TSPAN3: variants seen among roughly 807,000 people sequenced by gnomAD.
The protein encoded by TSPAN3 is tetraspanin 3.
Under a neutral mutation model 31.1 loss-of-function variants are expected in TSPAN3, and 9 were observed. That is an observed-to-expected ratio of 0.29 (90% CI 0.17 to 0.50). The LOEUF (loss-of-function observed/expected upper bound fraction) is 0.50, where lower values mean the gene tolerates loss of function less well. TSPAN3 is among the 20% of genes least tolerant of loss of function. The probability of loss-of-function intolerance (pLI) is 0.98; values close to 1 mark genes in which losing one functional copy is unlikely to be tolerated. For synonymous variants in TSPAN3, 129 were observed against 114.3 expected (o/e 1.13, Z -0.82); for missense variants, 252 against 313.5 (o/e 0.80, Z 1.48).
At chr15:77,053,029 GTCCGA>G in intron 4 of TSPAN3, 100 bp from the exon 5 acceptor site, 1 of 1,149,556 alleles carries the variant, frequency 8.7e-7, no homozygotes, top group South Asian at 1.6e-5. Context: ...GACCAGTGAT[GTCCGA>G]TACAACTTTC....
intron 6 of TSPAN3, among the ~76,000 whole-genome samples, chr15:77,049,172 C>T (rs866836972): frequency 5.3e-5 from 8 of 152,086 alleles, no homozygotes; most frequent in Non-Finnish European, 1.2e-4. Flanking sequence ...ATTTATATAA[C>T]ATTTTGCAAT....
intron 1 of TSPAN3, among the ~76,000 whole-genome samples, chr15:77,059,052 G>A (rs1164880403): frequency 1.3e-5 from 2 of 152,102 alleles, no homozygotes; most frequent in African/African-American, 2.4e-5. Context: ...GAGTGGAGAA[G>A]AGAAATAGTT....
intron 1 of TSPAN3, chr15:77,064,473 G>C (rs538173773): frequency 6.6e-6 from 1 of 152,156 alleles, no homozygotes; most frequent in East Asian, 1.9e-4. Flanking sequence ...GGATCTTATG[G>C]AATAAAATTC....
chr15:77,063,143 T>C (rs2076810148), intron 1 of TSPAN3, among the ~76,000 whole-genome samples: 2 of 152,200 alleles, frequency 1.3e-5, no homozygotes, highest in African/African-American at 2.4e-5. Flanking sequence ...CCATCCTAAA[T>C]ATTTTAGGCA....
chr15:77,061,442 C>T (rs1157233193), intron 1 of TSPAN3, among the ~76,000 whole-genome samples: 1 of 151,992 alleles, frequency 6.6e-6, no homozygotes, highest in African/African-American at 2.4e-5. Context: ...GCAGGAGAAT[C>T]GCTTGAACCT....
chr15:77,056,187 G>C lies in TSPAN3; in HGVS notation c.132C>G (p.Phe44Leu). Residue 44 changes from phenylalanine to leucine, a missense_variant, in exon 2 of 7, where the codon TTC (phenylalanine) becomes TTG (leucine). Phe to Leu is a conservative substitution (Grantham distance 22). Transcript: ENST00000267970. Reference sequence around the variant, plus strand: ...GGATGAGCGTGTACACATCTTCAAAGAAGTGGTCATAGTCATCATAAGTGA... The same window carrying C: ...GGATGAGCGTGTACACATCTTCAAACAAGTGGTCATAGTCATCATAAGTGA... ...VFITYDDYDH[F>L]FEDVYTLIPA... The C allele has an allele frequency of 1.2e-6, 2 of 1,613,850 alleles. No homozygotes were observed. Among genetic ancestry groups the C allele is most frequent in the Non-Finnish European group, 1.7e-6 (2 of 1,179,980 alleles).
In TSPAN3 at chr15:77,042,524, C is replaced by T. The variant is rs1306462079; in HGVS notation, c.*4311G>A. ...TATAGGAGGCACTCGAAGGGGCTCT[C>T]GCTGGCCAAGTCGGGAACTATCTGA... On this transcript the variant is annotated 3_prime_UTR_variant, in exon 7 of 7. Coordinates refer to ENST00000267970, the MANE Select transcript of TSPAN3 (RefSeq NM_005724.6). 6.6e-6 allele frequency: 1 copy of T among 152,102 alleles called. No homozygotes were observed. Among genetic ancestry groups the T allele is most frequent in the Non-Finnish European group, 1.5e-5 (1 of 68,034 alleles). The allele number at this position is 152,102 out of a possible 1,614,324, so 9.4% of individuals were successfully genotyped here.
intron 1 of TSPAN3, among the ~76,000 whole-genome samples, chr15:77,066,163 T>TA (rs2076831622): frequency 6.6e-6 from 1 of 152,226 alleles, no homozygotes. Context: ...AGTACTGATT[T>TA]AAACTTGTTT....
At chr15:77,066,931 G>A (rs1049630358) in intron 1 of TSPAN3, among the ~76,000 whole-genome samples, 5 of 152,132 alleles carry the variant, frequency 3.3e-5, no homozygotes, top group African/African-American at 9.7e-5. Context: ...AGGGCCTTCT[G>A]CAAAGTCCTG....
intron 3 of TSPAN3, 96 bp downstream of exon 3, chr15:77,055,693 A>G: frequency 1.0e-6 from 1 of 992,214 alleles, no homozygotes; most frequent in Non-Finnish European, 1.5e-6. Context: ...AAGGCAAAAG[A>G]AAATGTTTAC....
rs985999523 is a variant in TSPAN3 at position 77,042,687 on chromosome 15, A to C, written c.*4148T>G. ...ATGAGGAAGGAGTGCTGGGCTGCAG[A>C]AACGTCGCTTGGCAGTCATCATAAA... On this transcript the variant is annotated 3_prime_UTR_variant, in exon 7 of 7. Transcript: ENST00000267970. 6.6e-6 allele frequency: 1 copy of C among 152,312 alleles called. No individual in the cohort carries two copies. The highest frequency in any genetic ancestry group is 1.9e-4 in the East Asian group (1 of 5,184). The allele number at this position is 152,312 out of a possible 1,614,324, so 9.4% of individuals were successfully genotyped here. A position where few individuals can be genotyped will look rare whatever the true frequency, so the allele number is the denominator to read the frequency against.
At chr15:77,067,961 C>T (rs1323169725) in intron 1 of TSPAN3, 1 of 152,176 alleles carries the variant, frequency 6.6e-6, no homozygotes, top group Admixed American at 6.5e-5. Context: ...GGGTGTGCTA[C>T]TTTGGCTCAG....
At chr15:77,053,030 T>C (rs1427109952) in intron 4 of TSPAN3, 101 bp from the exon 5 acceptor site, 8 of 1,152,282 alleles carry the variant, frequency 6.9e-6, no homozygotes, top group Non-Finnish European at 9.7e-6. Flanking sequence ...ACCAGTGATG[T>C]CCGATACAAC....
chr15:77,056,405 G>T, intron 1 of TSPAN3, 150 bp from the exon 2 acceptor site: 1 of 573,986 alleles, frequency 1.7e-6, no homozygotes. Context: ...CTTGTTAAGA[G>T]CATTTCTATA....
chr15:77,051,253 C>T (rs547085503), intron 6 of TSPAN3, among the ~76,000 whole-genome samples: 162 of 151,880 alleles, frequency 1.1e-3, no homozygotes, highest in African/African-American at 3.5e-3. Context: ...TGAGGCTGGG[C>T]GCGATGGCTC....
chr15:77,058,897 AAT>A (rs1184680881), intron 1 of TSPAN3, among the ~76,000 whole-genome samples: 1 of 152,162 alleles, frequency 6.6e-6, no homozygotes. Flanking sequence ...TTACATCTGG[AAT>A]ATGTTAATAT....
In TSPAN3 at chr15:77,042,445, C is replaced by G. The variant is rs1007222364; in HGVS notation, c.*4390G>C. The G allele has an allele frequency of 2.0e-5, 3 of 152,070 alleles. No homozygotes were observed. The highest frequency in any genetic ancestry group is 7.2e-5 in the African/African-American group (3 of 41,394). 9.4% of individuals were successfully genotyped at this position (152,070 alleles called of 1,614,324 possible). ...TGATCCATGGCTGGTGCCCAGGGGCCTGGAACATCTTGTTAGATCAGAAAT... is the reference window on the plus strand; with the variant it reads ...TGATCCATGGCTGGTGCCCAGGGGCGTGGAACATCTTGTTAGATCAGAAAT... On this transcript the variant is annotated 3_prime_UTR_variant, in exon 7 of 7. Transcript: ENST00000267970.
chr15:77,062,877 G>A (rs1446181072), intron 1 of TSPAN3, among the ~76,000 whole-genome samples: 1 of 152,154 alleles, frequency 6.6e-6, no homozygotes, highest in Non-Finnish European at 1.5e-5. Flanking sequence ...TATGCTTGTG[G>A]TGTGATAGGG....
At position 77,044,700 on chromosome 15, in the gene TSPAN3, A is replaced by T. The variant is rs543815150; in HGVS notation, c.*2135T>A. ...TTGAAGAACAAGGCTACTGCTTGGC[A>T]TATTTCCCAAAGCCATTTCCCACTC... On this transcript the variant is annotated 3_prime_UTR_variant, in exon 7 of 7. Coordinates refer to ENST00000267970, the MANE Select transcript of TSPAN3 (RefSeq NM_005724.6). The T allele has an allele frequency of 6.6e-6, 1 of 152,256 alleles. No homozygotes were observed. The highest frequency in any genetic ancestry group is 2.4e-5 in the African/African-American group (1 of 41,426). The allele number at this position is 152,256 out of a possible 1,614,324, so 9.4% of individuals were successfully genotyped here.
Sources: allele counts gnomAD v4.1 joint callset (sites outside exome capture counted in the v4.1 genomes callset), GRCh38; gene constraint gnomAD v4.1.1; transcripts MANE v1.5; gene names NCBI Gene and HGNC (gene_info 2026-07-23, HGNC 2026-07-21).